Variants in TSNARE1 observed in about 807,000 individuals in gnomAD.
TSNARE1 encodes t-SNARE domain containing 1.
Under a neutral mutation model 62.0 loss-of-function variants are expected in TSNARE1, and 49 were observed. The ratio of observed to expected loss-of-function variants is 0.79; its 90% CI spans 0.63 to 1.00. The LOEUF (loss-of-function observed/expected upper bound fraction) is 1.00, where lower values mean the gene tolerates loss of function less well. Among genes scored for constraint, TSNARE1 ranks in the 50% least tolerant of loss-of-function variants. The pLI is 0.00. For synonymous variants in TSNARE1, 328 were observed against 294.4 expected (o/e 1.11, Z -1.17); for missense variants, 755 against 700.1 (o/e 1.08, Z -0.88).
At chr8:142,221,932 C>T (rs1816271993) in intron 13 of TSNARE1, among the ~76,000 whole-genome samples, 1 of 149,752 alleles carries the variant, frequency 6.7e-6, no homozygotes. Context: ...CACTCATCCA[C>T]TCATTCACTC....
chr8:142,277,587 T>C (rs1820716732), intron 11 of TSNARE1: 4 of 985,304 alleles, frequency 4.1e-6, no homozygotes, highest in Non-Finnish European at 3.6e-6. Flanking sequence ...TTCCTGCCTC[T>C]GCGCCCACAA....
At chr8:142,267,606 G>A (rs1819201722) in intron 12 of TSNARE1, among the ~76,000 whole-genome samples, 1 of 152,138 alleles carries the variant, frequency 6.6e-6, no homozygotes, top group African/African-American at 2.4e-5. Flanking sequence ...TCTGTAAAAT[G>A]GGGGACCTAG....
intron 12 of TSNARE1, among the ~76,000 whole-genome samples, chr8:142,251,000 C>T (rs1052240999): frequency 1.3e-5 from 2 of 152,188 alleles, no homozygotes; most frequent in African/African-American, 2.4e-5. Context: ...CAGGGAGCAG[C>T]GGGCTGTCAT....
In TSNARE1 at chr8:142,331,661, G is replaced by A. The variant is rs555547307; in HGVS notation, c.823+93C>T. The A allele has an allele frequency of 7.0e-4, 877 of 1,250,356 alleles. 2 individuals carry two copies. Among genetic ancestry groups the A allele is most frequent in the South Asian group, 1.0e-3 (81 of 77,640 alleles). 77.5% of individuals were successfully genotyped at this position (1,250,356 alleles called of 1,614,324 possible). ...GACTGCACCGCAGGATGGCCTGAGG[G>A]GGGAAGCCATCCAGCACCCTCGCCT... On this transcript the variant is annotated intron_variant, in intron 5 of 13. Transcript: ENST00000524325.
chr8:142,212,623 C>G (rs1009607340), intron 13 of TSNARE1, among the ~76,000 whole-genome samples: 1 of 152,070 alleles, frequency 6.6e-6, no homozygotes, highest in African/African-American at 2.4e-5. Flanking sequence ...GCTGCGGACT[C>G]CTGCAGCTAG....
At chr8:142,222,256 A>G (rs1339345637) in intron 13 of TSNARE1, among the ~76,000 whole-genome samples, 1,887 of 25,544 alleles carry the variant, frequency 0.074, 628 homozygotes, top group Non-Finnish European at 0.13. Context: ...TCACTCATCC[A>G]CTCATCCACT....
At chr8:142,279,898 C>T in intron 11 of TSNARE1, 1 of 1,039,384 alleles carries the variant, frequency 9.6e-7, no homozygotes, top group South Asian at 2.8e-5. Flanking sequence ...GCCTTGGGGA[C>T]CGTGGGCAGA....
chr8:142,271,604 T>A, intron 12 of TSNARE1: 3 of 1,432,864 alleles, frequency 2.1e-6, no homozygotes, highest in Non-Finnish European at 2.7e-6. Flanking sequence ...TCCTCGTAAG[T>A]CCAGGGGGTC....
chr8:142,268,864 C>T lies in TSNARE1; in HGVS notation c.1446+5917G>A, dbSNP rs142485219. Among the ~76,000 whole-genome samples the T allele has an allele frequency of 1.5e-3, 235 of 152,350 alleles. 1 individual carries two copies. The highest frequency in any genetic ancestry group is 5.5e-3 in the African/African-American group (227 of 41,576). On this transcript the variant is annotated intron_variant, in intron 12 of 13. Transcript: ENST00000524325. ...ACACCTGGACCTCTGAGGACTGTGGCCCTGCCTTGCCAGCTCCAGGTCATC... is the reference window on the plus strand; with the variant it reads ...ACACCTGGACCTCTGAGGACTGTGGTCCTGCCTTGCCAGCTCCAGGTCATC...
chr8:142,258,570 C>T (rs1263213083), intron 12 of TSNARE1, among the ~76,000 whole-genome samples: 1 of 151,792 alleles, frequency 6.6e-6, no homozygotes, highest in Non-Finnish European at 1.5e-5. Context: ...CAACCTCTGC[C>T]TCCTGGGTTC....
intron 12 of TSNARE1, among the ~76,000 whole-genome samples, chr8:142,267,769 C>G (rs543539826): frequency 1.3e-4 from 20 of 152,320 alleles, no homozygotes; most frequent in Non-Finnish European, 2.4e-4. Flanking sequence ...TCCTCCTAAT[C>G]TCTCCTGGTA....
At chr8:142,365,141 G>C (rs1835438433) in intron 1 of TSNARE1, among the ~76,000 whole-genome samples, 2 of 152,192 alleles carry the variant, frequency 1.3e-5, no homozygotes, top group South Asian at 4.1e-4. Flanking sequence ...CATGGGACAA[G>C]CCAGCACCAC....
Position 142,255,827 on chromosome 8 carries a change from C to T in TSNARE1, c.1446+18954G>A, listed in dbSNP as rs1313358851. Among the ~76,000 whole-genome samples, 2 of 63,518 alleles carry T rather than the reference C, an allele frequency of 3.1e-5. 1 individual carries two copies. The highest frequency in any genetic ancestry group is 1.3e-3 in the South Asian group (2 of 1,582). 41.7% of individuals were successfully genotyped at this position (63,518 alleles called of 152,430 possible). A position where few individuals can be genotyped will look rare whatever the true frequency, so the allele number is the denominator to read the frequency against. ...ACCACCACCACTGTCACCATCACCACCACCACCACCACCACCATCACCACC... is the reference window on the plus strand; with the variant it reads ...ACCACCACCACTGTCACCATCACCATCACCACCACCACCACCATCACCACC... On this transcript the variant is annotated intron_variant, in intron 12 of 13. Coordinates refer to ENST00000524325, the MANE Select transcript of TSNARE1 (RefSeq NM_145003.5).
chr8:142,218,651 C>T (rs941271505), intron 13 of TSNARE1, among the ~76,000 whole-genome samples: 7 of 152,186 alleles, frequency 4.6e-5, no homozygotes, highest in African/African-American at 1.4e-4. Context: ...ACCCACAGGC[C>T]GACACCCGAC....
intron 10 of TSNARE1, among the ~76,000 whole-genome samples, chr8:142,292,033 C>T (rs1306881205): frequency 1.3e-5 from 2 of 151,906 alleles, no homozygotes; most frequent in African/African-American, 4.8e-5. Flanking sequence ...TGAGGCTCGG[C>T]TTCCTTCTGG....
intron 4 of TSNARE1, among the ~76,000 whole-genome samples, chr8:142,342,777 A>T (rs550283626): frequency 1.2e-3 from 175 of 149,336 alleles, no homozygotes; most frequent in African/African-American, 4.2e-3. Context: ...TGGGCCCACC[A>T]CAGCAGGAGC....
intron 12 of TSNARE1, chr8:142,273,778 G>A: frequency 2.0e-6 from 2 of 985,348 alleles, no homozygotes; most frequent in African/African-American, 3.5e-5. Context: ...ACCCAGTCAG[G>A]CCCCTGCGTG....
At chr8:142,307,516 T>C (rs1342617053) in intron 9 of TSNARE1, among the ~76,000 whole-genome samples, 1 of 152,240 alleles carries the variant, frequency 6.6e-6, no homozygotes, top group Non-Finnish European at 1.5e-5. Context: ...TCCTCCCATA[T>C]ATTTAAATCA....
At chr8:142,312,061 G>C (rs1024264469) in intron 9 of TSNARE1, among the ~76,000 whole-genome samples, 7 of 152,286 alleles carry the variant, frequency 4.6e-5, no homozygotes, top group Non-Finnish European at 7.4e-5. Flanking sequence ...TTCAGATTTT[G>C]GATTTTATTT....
Sources: allele counts gnomAD v4.1 joint callset (sites outside exome capture counted in the v4.1 genomes callset), GRCh38; gene constraint gnomAD v4.1.1; transcripts MANE v1.5; gene names NCBI Gene and HGNC (gene_info 2026-07-23, HGNC 2026-07-21).